CHRM2: variants seen among roughly 807,000 people sequenced by gnomAD.
CHRM2 encodes the protein cholinergic receptor muscarinic 2, also known as muscarinic acetylcholine receptor M2.
Under a neutral mutation model 25.0 loss-of-function variants are expected in CHRM2, and 8 were observed. The observed-to-expected ratio is 0.32, with a 90% CI of 0.19 to 0.58. The LOEUF is 0.58. CHRM2 is among the 20% of genes least tolerant of loss of function. CHRM2 has a pLI of 0.88. For synonymous variants in CHRM2, 202 were observed against 205.7 expected (o/e 0.98, Z 0.15); for missense variants, 440 against 567.1 (o/e 0.78, Z 2.28).
rs1290104978 is a variant in CHRM2 at position 136,930,927 on chromosome 7, A to AAAAAAAAAAAG, written c.-124-61260_-124-61259insAAAAAAAAAAG. On this transcript the variant is annotated intron_variant, in intron 2 of 3. Transcript: ENST00000680005. ...AAAAAAAAAAAAAAAAAAAAAAAAA[A>AAAAAAAAAAAG]GGATAGAAAGATCCTTACCACATAT... is the stretch of plus-strand genomic sequence containing the variant. 1.6e-3 allele frequency among the ~76,000 whole-genome samples: 221 copies of AAAAAAAAAAAG among 138,628 alleles called. 12 individuals carry two copies. Among genetic ancestry groups the AAAAAAAAAAAG allele is most frequent in the African/African-American group, 6.0e-3 (215 of 35,822 alleles). 90.9% of individuals were successfully genotyped at this position (138,628 alleles called of 152,430 possible).
chr7:136,912,522 A>C (rs1387426353), intron 2 of CHRM2, among the ~76,000 whole-genome samples: 1 of 151,738 alleles, frequency 6.6e-6, no homozygotes, highest in Non-Finnish European at 1.5e-5. Context: ...ATCACACTTA[A>C]CAGTACCGTC....
intron 3 of CHRM2, among the ~76,000 whole-genome samples, chr7:137,000,563 G>GGAAGGAAGGAAGGAAGGAAA (rs1803949824): frequency 3.5e-5 from 5 of 143,050 alleles, no homozygotes; most frequent in African/African-American, 1.4e-4. Flanking sequence ...AAGGAAGGAA[G>GGAAGGAAGGAAGGAAGGAAA]GAAGGAAGGA....
At chr7:136,955,236 T>TCCTTTACTAGCCAAAGGAATATAAA (rs1800654231) in intron 2 of CHRM2, among the ~76,000 whole-genome samples, 1 of 152,194 alleles carries the variant, frequency 6.6e-6, no homozygotes, top group African/African-American at 2.4e-5. Flanking sequence ...CCAAAGTATT[T>TCCTTTACTAGCCAAAGGAATATAAA]TATAATCCAT....
rs1406463380 is a variant in CHRM2, at chr7:137,019,469, A to G, written c.*3203A>G. On this transcript the variant is annotated 3_prime_UTR_variant, in exon 4 of 4. Coordinates refer to ENST00000680005, the MANE Select transcript of CHRM2 (RefSeq NM_001006630.2). ...AGTTGATATGATCAGTTTCTACTGGAGCTGCAATTTTTCCTTTCAAAAAAT... is the reference window on the plus strand; with the variant it reads ...AGTTGATATGATCAGTTTCTACTGGGGCTGCAATTTTTCCTTTCAAAAAAT... 1 of 151,868 alleles carries G rather than the reference A, an allele frequency of 6.6e-6. No homozygotes were observed. The highest frequency in any genetic ancestry group is 6.6e-5 in the Admixed American group (1 of 15,196). The allele number at this position is 151,868 out of a possible 1,614,324, so 9.4% of individuals were successfully genotyped here.
At position 136,927,548 on chromosome 7, in the gene CHRM2, G is replaced by A. The variant is rs1041985654; in HGVS notation, c.-125+58130G>A. On this transcript the variant is annotated intron_variant, in intron 2 of 3. Transcript: ENST00000680005. The stretch of plus-strand genomic sequence containing the variant: ...AAAAAAAGAAGAGAAATATTATTAA[G>A]TAAATTGTACTCTTACAGATCTCTC... Among the ~76,000 whole-genome samples the A allele has an allele frequency of 9.9e-5, 15 of 152,096 alleles. 1 individual carries two copies. The highest frequency in any genetic ancestry group is 3.6e-4 in the African/African-American group (15 of 41,408).
rs1805200488 is a variant in CHRM2, at chr7:137,016,536, T to C, written c.*270T>C. On this transcript the variant is annotated 3_prime_UTR_variant, in exon 4 of 4. Transcript: ENST00000680005. ...TTAAGAAACTATACACTGTTTCTCA[T>C]AATCTCTTGAAGAAGGGCTTCTGAT... 4 of 424,148 alleles carry C rather than the reference T, an allele frequency of 9.4e-6. No homozygotes were observed. Among genetic ancestry groups the C allele is most frequent in the Non-Finnish European group, 1.8e-5 (4 of 224,026 alleles). 26.3% of individuals were successfully genotyped at this position (424,148 alleles called of 1,614,324 possible).
Position 137,015,980 on chromosome 7 carries a change from C to A in CHRM2, c.1115C>A (p.Pro372His), listed in dbSNP as rs759119090. ...AAGATTGTGAAGATGACTAAGCAGC[C>A]TGCAAAAAAGAAGCCTCCTCCTTCC... is the stretch of plus-strand genomic sequence containing the variant. ...ARKIVKMTKQPAKKKPPPSRE... is the reference protein window; with the variant it reads ...ARKIVKMTKQHAKKKPPPSRE... The change falls in exon 4 of 4, where the codon CCT (proline) becomes CAT (histidine). Residue 372 changes from proline to histidine, a missense_variant. Pro to His is a moderately conservative substitution (Grantham distance 77). Transcript: ENST00000680005. This position sits in a 1 kb window ranked among gnomAD's most constrained non-coding sequence, Gnocchi z 5.1. 1 of 1,613,084 alleles carries A rather than the reference C, an allele frequency of 6.2e-7. No homozygotes were observed. The highest frequency in any genetic ancestry group is 8.5e-7 in the Non-Finnish European group (1 of 1,179,412).
rs1455120046 is a variant in CHRM2 at position 136,869,220 on chromosome 7, G to T, written c.-282-41G>T. 6.6e-6 allele frequency: 1 copy of T among 152,228 alleles called. No homozygotes were observed. Among genetic ancestry groups the T allele is most frequent in the Non-Finnish European group, 1.5e-5 (1 of 68,124 alleles). 9.4% of individuals were successfully genotyped at this position (152,228 alleles called of 1,614,324 possible). A position where few individuals can be genotyped will look rare whatever the true frequency, so the allele number is the denominator to read the frequency against. On this transcript the variant is annotated intron_variant, in intron 1 of 3. Coordinates refer to ENST00000680005, the MANE Select transcript of CHRM2 (RefSeq NM_001006630.2). This position sits in a 1 kb window ranked among gnomAD's most constrained non-coding sequence, Gnocchi z 4.9. The stretch of plus-strand genomic sequence containing the variant: ...CCGCCTCTCCCGCCCCACCCCTACA[G>T]TGTCTCGGCATCAACTAATCTTTTC...
At position 136,948,650 on chromosome 7, in the gene CHRM2, A is replaced by G. The variant is rs1366750486; in HGVS notation, c.-124-43537A>G. On this transcript the variant is annotated intron_variant, in intron 2 of 3. Coordinates refer to ENST00000680005, the MANE Select transcript of CHRM2 (RefSeq NM_001006630.2). ...GCAGAGGAGGTAGGATTAAATAGGC[A>G]TGAATGTCAGGTTTGTTTCTATTTG... Among the ~76,000 whole-genome samples the G allele has an allele frequency of 2.0e-5, 3 of 152,222 alleles. No individual in the cohort carries two copies. In the East Asian group the frequency reaches 5.8e-4, roughly 29 times the overall value.
intron 3 of CHRM2, among the ~76,000 whole-genome samples, chr7:137,011,820 G>C (rs577461214): frequency 5.9e-5 from 9 of 152,040 alleles, no homozygotes; most frequent in African/African-American, 2.2e-4. Flanking sequence ...CATGATGCAG[G>C]CCAATGTGAT....
chr7:137,000,457 C>T (rs1803924834), intron 3 of CHRM2, among the ~76,000 whole-genome samples: 1 of 150,510 alleles, frequency 6.6e-6, no homozygotes, highest in Non-Finnish European at 1.5e-5. Flanking sequence ...ACCTCGGCCT[C>T]CCAAAGTGCT....
intron 3 of CHRM2, among the ~76,000 whole-genome samples, chr7:137,014,185 T>C (rs2131126888): frequency 6.6e-6 from 1 of 152,164 alleles, no homozygotes; most frequent in East Asian, 1.9e-4. Context: ...ATGCTGATTA[T>C]GTAATACTGA....
At chr7:136,873,001 A>G (rs1372787683) in intron 2 of CHRM2, among the ~76,000 whole-genome samples, 10 of 152,230 alleles carry the variant, frequency 6.6e-5, no homozygotes, top group Non-Finnish European at 1.3e-4. Context: ...AGACTGACAG[A>G]AACATTTTGC....
At chr7:136,891,409 G>C (rs957599031) in intron 2 of CHRM2, among the ~76,000 whole-genome samples, 1 of 152,148 alleles carries the variant, frequency 6.6e-6, no homozygotes, top group Admixed American at 6.5e-5. Flanking sequence ...CTGTTGGTTT[G>C]TCTGATGTTT....
intron 2 of CHRM2, among the ~76,000 whole-genome samples, chr7:136,966,814 T>G (rs781567350): frequency 1.3e-5 from 2 of 151,964 alleles, no homozygotes; most frequent in Non-Finnish European, 2.9e-5. Flanking sequence ...AAATAATGTA[T>G]TGATGTGTCT....
intron 2 of CHRM2, among the ~76,000 whole-genome samples, chr7:136,877,854 G>C (rs1357622903): frequency 2.6e-5 from 4 of 151,880 alleles, no homozygotes; most frequent in Non-Finnish European, 5.9e-5. Context: ...CAATAAACAA[G>C]ACAGAATCAT....
chr7:136,952,687 C>G (rs1800486226), intron 2 of CHRM2, among the ~76,000 whole-genome samples: 1 of 152,038 alleles, frequency 6.6e-6, no homozygotes, highest in East Asian at 1.9e-4. Context: ...AGCCTAATAC[C>G]CATTAGTTGT....
intron 2 of CHRM2, among the ~76,000 whole-genome samples, chr7:136,977,586 T>C (rs541468903): frequency 6.6e-6 from 1 of 152,300 alleles, no homozygotes; most frequent in South Asian, 2.1e-4. Context: ...CAGAAAAGGT[T>C]TCTCACAGAA....
intron 2 of CHRM2, chr7:136,903,195 T>C (rs746771614): frequency 1.9e-6 from 1 of 534,338 alleles, no homozygotes; most frequent in South Asian, 1.4e-5. Flanking sequence ...GGAAAGTTCA[T>C]TGTTCGACAC....
Sources: allele counts gnomAD v4.1 joint callset (sites outside exome capture counted in the v4.1 genomes callset), GRCh38; gene constraint gnomAD v4.1.1; non-coding constraint Gnocchi (gnomAD v3.1); transcripts MANE v1.5; gene names NCBI Gene and HGNC (gene_info 2026-07-23, HGNC 2026-07-21).